The following CDH23 variants were observed in gnomAD, a reference collection of about 807,000 sequenced individuals.
CDH23 encodes the protein cadherin related 23, also known as cadherin-23.
A neutral mutation model predicts 317.1 loss-of-function variants in CDH23; 189 were observed. That is an observed-to-expected ratio of 0.60 (90% CI 0.53 to 0.67). The LOEUF is 0.67. CDH23 is among the 30% of genes least tolerant of loss of function. The pLI, the probability that CDH23 is intolerant of heterozygous loss-of-function variation, is 0.00. For missense variants in CDH23, 4,401 were observed against 4,592.4 expected (o/e 0.96, Z 1.20); for synonymous variants, 1,839 against 1,876.8 (o/e 0.98, Z 0.52).
intron 11 of CDH23, among the ~76,000 whole-genome samples, chr10:71,626,424 G>T (rs1239819731): frequency 6.6e-6 from 1 of 152,176 alleles, no homozygotes; most frequent in African/African-American, 2.4e-5. Context: ...GACAAGACCC[G>T]TGGCTCCATG....
chr10:71,566,470 C>T (rs1030151383), intron 6 of CDH23, among the ~76,000 whole-genome samples: 1 of 151,920 alleles, frequency 6.6e-6, no homozygotes, highest in Non-Finnish European at 1.5e-5. Context: ...GGTTTGGGGA[C>T]CGTAAGACCC....
chr10:71,531,716 G>A (rs1855384244), intron 6 of CDH23, among the ~76,000 whole-genome samples: 1 of 152,136 alleles, frequency 6.6e-6, no homozygotes, highest in South Asian at 2.1e-4. Context: ...CCTAGCCATA[G>A]ACAACACCCA....
chr10:71,676,202 C>T (rs1039715219), intron 15 of CDH23, among the ~76,000 whole-genome samples: 11 of 151,910 alleles, frequency 7.2e-5, no homozygotes, highest in Admixed American at 2.0e-4. Flanking sequence ...CCACTGCACC[C>T]GGCCCCCTCT....
At chr10:71,676,612 G>T (rs1013705881) in intron 15 of CDH23, among the ~76,000 whole-genome samples, 3 of 152,160 alleles carry the variant, frequency 2.0e-5, no homozygotes, top group African/African-American at 7.2e-5. Context: ...GGGTGACACA[G>T]TGAAACCCTA....
chr10:71,690,636 G>T (rs536861238), intron 20 of CDH23, 52 bp downstream of exon 20: 2 of 1,324,882 alleles, frequency 1.5e-6, no homozygotes, highest in Non-Finnish European at 2.1e-6. Context: ...GAGGCTGACT[G>T]TCCATACCCG....
chr10:71,787,191 G>T (rs1445777601), intron 44 of CDH23, among the ~76,000 whole-genome samples: 1 of 152,160 alleles, frequency 6.6e-6, no homozygotes. Flanking sequence ...ACACCTCCGT[G>T]AAGGAGTTAA....
intron 3 of CDH23, among the ~76,000 whole-genome samples, chr10:71,474,575 T>C (rs1329311041): frequency 3.3e-5 from 5 of 152,240 alleles, no homozygotes; most frequent in Non-Finnish European, 7.3e-5. Flanking sequence ...GTTAGACCTG[T>C]GCCTCAGTTT....
chr10:71,525,849 G>A (rs542678687), intron 6 of CDH23, among the ~76,000 whole-genome samples: 2 of 152,306 alleles, frequency 1.3e-5, no homozygotes, highest in South Asian at 2.1e-4. Flanking sequence ...AGTGGCAGAG[G>A]CATGCTAGAG....
intron 6 of CDH23, among the ~76,000 whole-genome samples, chr10:71,532,878 C>T (rs1855480861): frequency 1.3e-5 from 2 of 151,916 alleles, no homozygotes; most frequent in South Asian, 4.2e-4. Context: ...TACAGGCATC[C>T]ACCACCATGC....
At chr10:71,532,756 G>A (rs755337155) in intron 6 of CDH23, among the ~76,000 whole-genome samples, 8 of 132,836 alleles carry the variant, frequency 6.0e-5, no homozygotes, top group Non-Finnish European at 1.3e-4. Flanking sequence ...TTGAGACGGA[G>A]TATCACTCTG....
At chr10:71,406,628 C>T (rs1051322640) in intron 1 of CDH23, among the ~76,000 whole-genome samples, 2 of 152,012 alleles carry the variant, frequency 1.3e-5, no homozygotes, top group African/African-American at 2.4e-5. Flanking sequence ...TTAGGCTTGC[C>T]GGACACTTTG....
chr10:71,741,042 G>C, intron 37 of CDH23, 92 bp downstream of exon 37: 1 of 1,449,982 alleles, frequency 6.9e-7, no homozygotes, highest in Admixed American at 1.7e-5. Flanking sequence ...TGTCTGCCTG[G>C]CCCACTGGTC....
chr10:71,706,934 G>T lies in CDH23; in HGVS notation c.2991G>T (p.Pro997=). 6.2e-7 allele frequency: 1 copy of T among 1,606,126 alleles called. No homozygotes were observed. Among genetic ancestry groups the T allele is most frequent in the Non-Finnish European group, 8.5e-7 (1 of 1,176,670 alleles). The change falls in exon 26 of 70, where the codon CCG becomes CCT. Residue 997 remains proline, a synonymous_variant. Coordinates refer to ENST00000224721, the MANE Select transcript of CDH23 (RefSeq NM_022124.6). ...ACGACGAGACGCCCACCTTCTTCCC[G>T]GCCGTGTACAATGTGTCTGTGTCCG... ...DVNDETPTFF[P]AVYNVSVSED...
intron 2 of CDH23, among the ~76,000 whole-genome samples, chr10:71,441,674 A>G (rs1406292975): frequency 6.6e-6 from 1 of 152,002 alleles, no homozygotes; most frequent in Non-Finnish European, 1.5e-5. Context: ...GTGAGCCGAG[A>G]TTGTGCCATT....
chr10:71,524,387 C>A (rs1456076261), intron 6 of CDH23, among the ~76,000 whole-genome samples: 1 of 152,168 alleles, frequency 6.6e-6, no homozygotes, highest in Non-Finnish European at 1.5e-5. Context: ...TCTTCCAAGA[C>A]CCGTGCTGAA....
chr10:71,773,599 G>C (rs79202294), intron 38 of CDH23: 80,793 of 570,450 alleles, frequency 0.14, 6,131 homozygotes, highest in South Asian at 0.23. Context: ...GCGCCCCCGG[G>C]GGGCCGTGTG....
At chr10:71,433,413 T>C (rs1462595526) in intron 1 of CDH23, among the ~76,000 whole-genome samples, 1 of 152,160 alleles carries the variant, frequency 6.6e-6, no homozygotes, top group Non-Finnish European at 1.5e-5. Context: ...TTCAGGCTCT[T>C]TGGACAATTT....
At chr10:71,505,406 T>C (rs58951831) in intron 3 of CDH23, among the ~76,000 whole-genome samples, 8,740 of 152,302 alleles carry the variant, frequency 0.057, 305 homozygotes, top group South Asian at 0.16. Context: ...AACATGATGA[T>C]GATAGCTAAC....
At chr10:71,462,557 C>T (rs1269543666) in intron 3 of CDH23, among the ~76,000 whole-genome samples, 5 of 152,246 alleles carry the variant, frequency 3.3e-5, no homozygotes, top group Non-Finnish European at 7.3e-5. Context: ...GCAAAGTGCT[C>T]TGCACCCTGG....
Sources: allele counts gnomAD v4.1 joint callset (sites outside exome capture counted in the v4.1 genomes callset), GRCh38; gene constraint gnomAD v4.1.1; transcripts MANE v1.5; gene names NCBI Gene and HGNC (gene_info 2026-07-23, HGNC 2026-07-21).